The following KCNT2 variants were observed in gnomAD, a reference collection of about 807,000 sequenced individuals.
KCNT2 encodes the protein potassium sodium-activated channel subfamily T member 2.
Under a neutral mutation model 153.8 loss-of-function variants are expected in KCNT2, and 67 were observed. The ratio of observed to expected loss-of-function variants is 0.44; its 90% CI spans 0.36 to 0.53. The LOEUF is 0.53. KCNT2 is among the 20% of genes least tolerant of loss of function. KCNT2 has a pLI of 0.00. For synonymous variants in KCNT2, 500 were observed against 458.8 expected (o/e 1.09, Z -1.15); for missense variants, 975 against 1,354.8 (o/e 0.72, Z 4.40).
At chr1:196,318,575 G>A (rs1405115645) in intron 20 of KCNT2, among the ~76,000 whole-genome samples, 1 of 151,674 alleles carries the variant, frequency 6.6e-6, no homozygotes, top group Non-Finnish European at 1.5e-5. Flanking sequence ...TTTCAAAAAA[G>A]ATGATTGGTT....
intron 22 of KCNT2, among the ~76,000 whole-genome samples, chr1:196,304,838 C>T (rs1245197666): frequency 6.6e-6 from 1 of 152,126 alleles, no homozygotes; most frequent in Non-Finnish European, 1.5e-5. Context: ...TGCCAAACTT[C>T]TACTGGGGAG....
chr1:196,564,661 A>G (rs1457600442), intron 1 of KCNT2, among the ~76,000 whole-genome samples: 1 of 151,992 alleles, frequency 6.6e-6, no homozygotes, highest in Non-Finnish European at 1.5e-5. Context: ...ACAAAGATCA[A>G]TGGAACAGAA....
At chr1:196,305,984 A>G (rs1661594818) in intron 21 of KCNT2, among the ~76,000 whole-genome samples, 1 of 152,102 alleles carries the variant, frequency 6.6e-6, no homozygotes. Context: ...TCTCTCAAAT[A>G]TATACCAAAA....
At chr1:196,335,665 A>G (rs767995618) in intron 16 of KCNT2, among the ~76,000 whole-genome samples, 29 of 152,172 alleles carry the variant, frequency 1.9e-4, no homozygotes, top group Non-Finnish European at 3.7e-4. Flanking sequence ...CCTCATTATA[A>G]TAACATGAAC....
intron 1 of KCNT2, among the ~76,000 whole-genome samples, chr1:196,517,371 T>A (rs1428725332): frequency 6.6e-6 from 1 of 152,176 alleles, no homozygotes; most frequent in African/African-American, 2.4e-5. Context: ...GAGTGTCTTA[T>A]CTCCTCCAAA....
chr1:196,323,549 A>G (rs1159615656), intron 19 of KCNT2, among the ~76,000 whole-genome samples: 1 of 151,968 alleles, frequency 6.6e-6, no homozygotes, highest in Non-Finnish European at 1.5e-5. Context: ...ATGCTTTTCA[A>G]TATGACTGAG....
chr1:196,420,188 C>T lies in KCNT2; in HGVS notation c.1185+2862G>A, dbSNP rs548473421. 2.0e-5 allele frequency among the ~76,000 whole-genome samples: 3 copies of T among 151,912 alleles called. No homozygotes were observed. The East Asian group carries it at 5.9e-4, about 30-fold the overall frequency. Reference sequence around the variant, plus strand: ...TTATGCTAGATTTAATTTCCAGGAGCTCTTTCAGGTTCACTGAGTGTCTTG... The same window carrying T: ...TTATGCTAGATTTAATTTCCAGGAGTTCTTTCAGGTTCACTGAGTGTCTTG... On this transcript the variant is annotated intron_variant, in intron 12 of 27. Transcript: ENST00000294725.
chr1:196,417,257 A>T (rs1672830994), intron 12 of KCNT2, among the ~76,000 whole-genome samples: 1 of 152,128 alleles, frequency 6.6e-6, no homozygotes, highest in Admixed American at 6.6e-5. Context: ...TGACATCTCA[A>T]GGGTTATGTG....
Position 196,428,078 on chromosome 1 carries a change from A to G in KCNT2, c.984+27T>C, listed in dbSNP as rs202018652. The G allele has an allele frequency of 2.2e-3, 3,395 of 1,578,380 alleles. 4 individuals are homozygous for G. The highest frequency in any genetic ancestry group is 2.7e-3 in the Non-Finnish European group (3,055 of 1,148,718). On this transcript the variant is annotated intron_variant, in intron 10 of 27. Transcript: ENST00000294725. ...AATATGTTAGTAGGTATGATCCAGT[A>G]TAGCACATAATATAAGCCAAATGTA... is the stretch of plus-strand genomic sequence containing the variant.
intron 5 of KCNT2, among the ~76,000 whole-genome samples, chr1:196,469,489 G>A (rs1054470101): frequency 2.0e-5 from 3 of 152,044 alleles, no homozygotes; most frequent in African/African-American, 7.2e-5. Context: ...ACAATCATTG[G>A]TATTAAAATT....
At chr1:196,601,875 G>A (rs568288772) in intron 1 of KCNT2, among the ~76,000 whole-genome samples, 2 of 152,178 alleles carry the variant, frequency 1.3e-5, no homozygotes, top group South Asian at 4.1e-4. Flanking sequence ...ATTTCAAAAA[G>A]AAGTTGAGCA....
intron 25 of KCNT2, among the ~76,000 whole-genome samples, chr1:196,270,555 T>C (rs2147826582): frequency 1.3e-5 from 2 of 152,250 alleles, no homozygotes; most frequent in South Asian, 4.1e-4. Flanking sequence ...AAAAGCATTG[T>C]ATAAACACAC....
chr1:196,324,606 T>C (rs1239988116), intron 19 of KCNT2, among the ~76,000 whole-genome samples: 3 of 152,062 alleles, frequency 2.0e-5, no homozygotes, highest in Non-Finnish European at 4.4e-5. Flanking sequence ...AAGTGTGTAG[T>C]ATGATGACTG....
At chr1:196,477,702 T>C (rs1572585657) in intron 5 of KCNT2, among the ~76,000 whole-genome samples, 1 of 152,196 alleles carries the variant, frequency 6.6e-6, no homozygotes, top group African/African-American at 2.4e-5. Flanking sequence ...CAAAAATTAG[T>C]AATGATTATG....
At chr1:196,368,261 C>G (rs1419066757) in intron 14 of KCNT2, among the ~76,000 whole-genome samples, 2 of 152,174 alleles carry the variant, frequency 1.3e-5, no homozygotes, top group Non-Finnish European at 2.9e-5. Flanking sequence ...CTTTATCATG[C>G]AGAAGCATTC....
chr1:196,248,660 G>A (rs748385200), intron 26 of KCNT2, among the ~76,000 whole-genome samples: 4 of 151,934 alleles, frequency 2.6e-5, no homozygotes, highest in Non-Finnish European at 5.9e-5. Flanking sequence ...AATAAGAAAT[G>A]TCCCAGCAAA....
intron 22 of KCNT2, among the ~76,000 whole-genome samples, chr1:196,293,161 T>C (rs1278008456): frequency 1.3e-5 from 2 of 152,104 alleles, no homozygotes; most frequent in Non-Finnish European, 2.9e-5. Flanking sequence ...GGTCATAAAC[T>C]GGAAGAAACA....
At chr1:196,575,779 A>T (rs1661286237) in intron 1 of KCNT2, among the ~76,000 whole-genome samples, 1 of 151,744 alleles carries the variant, frequency 6.6e-6, no homozygotes, top group South Asian at 2.1e-4. Context: ...GGAATTCCAG[A>T]CCAGCCTGGC....
At chr1:196,297,101 A>C (rs113281065) in intron 22 of KCNT2, among the ~76,000 whole-genome samples, 7,648 of 151,850 alleles carry the variant, frequency 0.05, 285 homozygotes, top group Non-Finnish European at 0.072. Context: ...GAAATAAATT[A>C]TGCAATCTCT....
Sources: gnomAD v4.1 joint callset for allele counts (sites outside exome capture counted in the v4.1 genomes callset) on GRCh38, gnomAD v4.1.1 for gene constraint, MANE v1.5 for transcripts, NCBI Gene and HGNC (gene_info 2026-07-23, HGNC 2026-07-21) for gene names.